Variants in CEP192 observed in about 807,000 individuals in gnomAD.
The protein encoded by CEP192 is centrosomal protein of 192 kDa.
A neutral mutation model predicts 271.8 loss-of-function variants in CEP192; 151 were observed. That is an observed-to-expected ratio of 0.56 (90% CI 0.49 to 0.64). The LOEUF (loss-of-function observed/expected upper bound fraction) is 0.64. CEP192 is among the 30% of genes least tolerant of loss of function. CEP192 has a pLI of 0.00. For synonymous variants in CEP192, 995 were observed against 1,076.5 expected, an observed-to-expected ratio of 0.92 and a Z score of 1.48; for missense variants, 2,910 against 3,020.5, an observed-to-expected ratio of 0.96 and a Z score of 0.86.
intron 15 of CEP192, among the ~76,000 whole-genome samples, chr18:13,046,033 T>C (rs921191435): frequency 2.6e-5 from 4 of 152,198 alleles, no homozygotes; most frequent in South Asian, 2.1e-4. Context: ...AAGAAATACC[T>C]GAGACTGGGT....
At position 13,105,002 on chromosome 18, in the gene CEP192, G is replaced by C. The variant is rs1568426029; in HGVS notation, c.6970G>C (p.Asp2324His). 2 of 1,613,426 alleles carry C rather than the reference G, an allele frequency of 1.2e-6. No individual in the cohort carries two copies. Among genetic ancestry groups the C allele is most frequent in the Admixed American group, 1.7e-5 (1 of 60,032 alleles). ...PYVKGVDESG[D>H]VFRATYAAFR... is the part of the protein sequence containing the mutation. ...TTTGCAGGGAGTTGATGAAAGTGGAGATGTTTTTAGAGCTACCTATGCAGC... is the reference window on the plus strand; with the variant it reads ...TTTGCAGGGAGTTGATGAAAGTGGACATGTTTTTAGAGCTACCTATGCAGC... Residue 2324 changes from aspartate to histidine, a missense_variant, in exon 40 of 45, where the codon GAT (aspartate) becomes CAT (histidine). Coordinates refer to ENST00000506447, the MANE Select transcript of CEP192 (RefSeq NM_032142.4).
At chr18:13,109,703 C>A (rs2145019339) in intron 40 of CEP192, among the ~76,000 whole-genome samples, 1 of 151,958 alleles carries the variant, frequency 6.6e-6, no homozygotes, top group East Asian at 1.9e-4. Flanking sequence ...AAAAAAAGTT[C>A]TAAAGCAAAA....
At chr18:12,995,562 G>C (rs2033175163) in intron 1 of CEP192, among the ~76,000 whole-genome samples, 2 of 152,208 alleles carry the variant, frequency 1.3e-5, no homozygotes, top group Admixed American at 6.5e-5. Flanking sequence ...TGCCAGCACT[G>C]TTCTAGCTGG....
rs575049700 is a variant in CEP192, at chr18:13,056,590, A to G, written c.4000A>G (p.Asn1334Asp). 1.2e-6 allele frequency: 2 copies of G among 1,614,028 alleles called. No homozygotes were observed. Among genetic ancestry groups the G allele is most frequent in the Admixed American group, 3.3e-5 (2 of 60,002 alleles). Residue 1334 changes from asparagine to aspartate, a missense_variant, in exon 19 of 45, where the codon AAT becomes GAT. Coordinates refer to ENST00000506447, the MANE Select transcript of CEP192 (RefSeq NM_032142.4). ...CTCTTCCCTCTGTAACCCATATTCT[A>G]ATACCTTAAATCAGAACCTGCTAAG... is the stretch of plus-strand genomic sequence containing the variant. ...GTSSLCNPYSNTLNQNLLSTT... is the reference protein window; with the variant it reads ...GTSSLCNPYSDTLNQNLLSTT...
rs1157424370 is a variant in CEP192 at position 13,048,748 on chromosome 18, C to T, written c.2068-111C>T. Reference sequence around the variant, plus strand: ...TCGGATTTGGTACTATCTGAGGTTTCAGGTATCCACTTGGAGGTTTTGAAA... The same window carrying T: ...TCGGATTTGGTACTATCTGAGGTTTTAGGTATCCACTTGGAGGTTTTGAAA... On this transcript the variant is annotated intron_variant, in intron 15 of 44. Transcript: ENST00000506447. The T allele has an allele frequency of 7.2e-6, 5 of 691,130 alleles. No individual in the cohort carries two copies. The East Asian group carries it at 1.1e-4, about 15-fold the overall frequency. 42.8% of individuals were successfully genotyped at this position (691,130 alleles called of 1,614,324 possible).
In CEP192 at chr18:13,018,580, CTG is replaced by C; in HGVS notation, c.891_892del (p.Glu298GlyfsTer11). On this transcript the variant is annotated frameshift_variant, in exon 8 of 45. Transcript: ENST00000506447. LOFTEE classifies it high-confidence loss of function. Reference sequence around the variant, plus strand: ...TCTTCTGAAACAACTCACAAAGAGTCTGAGGAAAGCCAAGTTATTTGTCTACC... The same window carrying C: ...TCTTCTGAAACAACTCACAAAGAGTCAGGAAAGCCAAGTTATTTGTCTACC... The C allele has an allele frequency of 1.9e-6, 3 of 1,538,894 alleles. No individual in the cohort carries two copies. The highest frequency in any genetic ancestry group is 2.6e-6 in the Non-Finnish European group (3 of 1,138,664).
intron 9 of CEP192, chr18:13,024,349 CTCCA>C (rs2035167912): frequency 2.2e-6 from 1 of 456,166 alleles, no homozygotes; most frequent in Non-Finnish European, 4.4e-6. Flanking sequence ...GTATATCTTT[CTCCA>C]TCCATTTACT....
intron 2 of CEP192, among the ~76,000 whole-genome samples, chr18:13,000,814 G>A (rs1199229945): frequency 6.6e-6 from 1 of 152,182 alleles, no homozygotes; most frequent in African/African-American, 2.4e-5. Flanking sequence ...TTAGCCAGGC[G>A]TGATGGCGCA....
intron 30 of CEP192, among the ~76,000 whole-genome samples, chr18:13,079,916 T>G (rs1335147867): frequency 6.6e-6 from 1 of 152,216 alleles, no homozygotes; most frequent in Non-Finnish European, 1.5e-5. Context: ...TTTCTTTTTT[T>G]GTCAGGTTTG....
intron 27 of CEP192, 63 bp from the exon 28 acceptor site, chr18:13,070,976 T>C (rs1194129185): frequency 8.1e-6 from 11 of 1,356,292 alleles, no homozygotes; most frequent in African/African-American, 1.4e-5. Flanking sequence ...TGGAAACATA[T>C]AGGAAATAGT....
rs141427964 is a variant in CEP192, at chr18:13,034,451, G to A, written c.1535-2786G>A. Among the ~76,000 whole-genome samples, 915 of 152,204 alleles carry A rather than the reference G, an allele frequency of 6.0e-3. 9 individuals carry two copies. The highest frequency in any genetic ancestry group is 0.021 in the African/African-American group (871 of 41,534). ...GGAAAAAAGGGTGTAATCTTGTAAC[G>A]TCCAAGTCATTTTAAATGAAAATTT... On this transcript the variant is annotated intron_variant, in intron 11 of 44. Transcript: ENST00000506447.
At chr18:13,063,592 A>C (rs555068449) in intron 21 of CEP192, among the ~76,000 whole-genome samples, 1 of 152,184 alleles carries the variant, frequency 6.6e-6, no homozygotes, top group East Asian at 1.9e-4. Flanking sequence ...GAGTTGTTTG[A>C]GCCCCTTATA....
chr18:13,096,870 C>A (rs751106095), intron 36 of CEP192, among the ~76,000 whole-genome samples: 13 of 152,178 alleles, frequency 8.5e-5, no homozygotes, highest in Non-Finnish European at 1.8e-4. Flanking sequence ...AGCTGCCTGC[C>A]CTCTGTCCAC....
At chr18:13,040,042 A>G (rs1020093276) in intron 13 of CEP192, among the ~76,000 whole-genome samples, 3 of 152,212 alleles carry the variant, frequency 2.0e-5, no homozygotes, top group Non-Finnish European at 2.9e-5. Flanking sequence ...TTGAAATAAC[A>G]GATGTAGTGT....
chr18:13,079,408 T>C (rs560087733), intron 30 of CEP192, among the ~76,000 whole-genome samples: 2 of 152,368 alleles, frequency 1.3e-5, no homozygotes, highest in East Asian at 3.9e-4. Context: ...ATTTTTTTCA[T>C]GTGTCTGTTG....
At chr18:13,107,163 T>C (rs2039993974) in intron 40 of CEP192, among the ~76,000 whole-genome samples, 1 of 152,206 alleles carries the variant, frequency 6.6e-6, no homozygotes, top group African/African-American at 2.4e-5. Context: ...GCGAGCATTT[T>C]GCCAAAGGTC....
chr18:13,026,913 A>G (rs893280632), intron 9 of CEP192, among the ~76,000 whole-genome samples: 6 of 152,060 alleles, frequency 3.9e-5, no homozygotes, highest in Non-Finnish European at 5.9e-5. Flanking sequence ...TGTCTCTTCA[A>G]ACTGTTTTTT....
At chr18:13,105,102 A>G (rs577925932) in intron 40 of CEP192, 23 bp downstream of exon 40, 50 of 1,522,058 alleles carry the variant, frequency 3.3e-5, no homozygotes, top group South Asian at 2.7e-4. Flanking sequence ...ATTTTTTTCC[A>G]TAGGAACATC....
chr18:13,116,712 C>A (rs1276365132), intron 43 of CEP192, among the ~76,000 whole-genome samples: 3 of 152,082 alleles, frequency 2.0e-5, no homozygotes, highest in African/African-American at 7.2e-5. Flanking sequence ...CGGGTTCATG[C>A]CATTCTCCTG....
Sources: allele counts gnomAD v4.1 joint callset (sites outside exome capture counted in the v4.1 genomes callset), GRCh38; gene constraint gnomAD v4.1.1; transcripts MANE v1.5; gene names NCBI Gene and HGNC (gene_info 2026-07-23, HGNC 2026-07-21).